The following SYN3 variants were observed in gnomAD, a reference collection of about 807,000 sequenced individuals.
SYN3 encodes synapsin III.
SYN3 carries 35 observed loss-of-function variants against 65.8 expected under a neutral mutation model. The ratio of observed to expected loss-of-function variants is 0.53; its 90% CI spans 0.41 to 0.70. The LOEUF is 0.70. Ranked by LOEUF, SYN3 falls within the 30% of genes least tolerant of loss-of-function variation. The pLI, the probability that SYN3 is intolerant of heterozygous loss-of-function variation, is 0.00. For missense variants in SYN3, 680 were observed against 749.0 expected, an observed-to-expected ratio of 0.91 and a Z score of 1.08; for synonymous variants, 270 against 292.9, an observed-to-expected ratio of 0.92 and a Z score of 0.80.
intron 4 of SYN3, among the ~76,000 whole-genome samples, chr22:32,886,788 T>C (rs548013644): frequency 1.3e-5 from 2 of 152,328 alleles, no homozygotes; most frequent in East Asian, 1.9e-4. Flanking sequence ...TCATGAAATG[T>C]GTACTCTTTT....
Position 32,596,863 on chromosome 22 carries a change from G to A in SYN3, c.712-127C>T, listed in dbSNP as rs147248370. On this transcript the variant is annotated intron_variant, in intron 6 of 13. Transcript: ENST00000358763. The stretch of plus-strand genomic sequence containing the variant: ...TCGGGAATCCCCACAAGAATGCTTC[G>A]ACAGATGGTCACCCAGCCATGGCCC... 7.9e-5 allele frequency: 75 copies of A among 945,674 alleles called. 1 individual carries two copies. The Middle Eastern group carries it at 1.5e-3, about 19-fold the overall frequency. 58.6% of individuals were successfully genotyped at this position (945,674 alleles called of 1,614,324 possible).
intron 12 of SYN3, among the ~76,000 whole-genome samples, chr22:32,523,213 C>T (rs1217805849): frequency 1.3e-5 from 2 of 152,308 alleles, no homozygotes; most frequent in South Asian, 2.1e-4. Context: ...GAACCACACC[C>T]ATATAAGACA....
At chr22:32,867,523 T>C (rs1309360821) in intron 5 of SYN3, among the ~76,000 whole-genome samples, 1 of 152,192 alleles carries the variant, frequency 6.6e-6, no homozygotes, top group Non-Finnish European at 1.5e-5. Context: ...TAGGTGGAGA[T>C]AAGTATCTAG....
chr22:32,853,330 A>G (rs1175622859), intron 6 of SYN3, among the ~76,000 whole-genome samples: 1 of 152,230 alleles, frequency 6.6e-6, no homozygotes, highest in Non-Finnish European at 1.5e-5. Flanking sequence ...CGGTCTGTAA[A>G]TAAGAATTTG....
At chr22:32,720,331 G>A (rs548704146) in intron 6 of SYN3, among the ~76,000 whole-genome samples, 1 of 152,284 alleles carries the variant, frequency 6.6e-6, no homozygotes, top group African/African-American at 2.4e-5. Flanking sequence ...ACCTACCCAG[G>A]GCTAGCAGTT....
At chr22:33,016,222 T>G (rs1047506478) in intron 1 of SYN3, among the ~76,000 whole-genome samples, 4 of 152,220 alleles carry the variant, frequency 2.6e-5, no homozygotes, top group African/African-American at 9.6e-5. Context: ...GTTTGGTACA[T>G]TAACAGCACA....
At chr22:32,609,659 T>C (rs150239655) in intron 6 of SYN3, among the ~76,000 whole-genome samples, 2 of 151,400 alleles carry the variant, frequency 1.3e-5, no homozygotes, top group East Asian at 2.0e-4. Flanking sequence ...AAAAAATAAA[T>C]AAAAGTGTTT....
chr22:32,853,549 A>C (rs1376122958), intron 6 of SYN3, among the ~76,000 whole-genome samples: 6 of 152,218 alleles, frequency 3.9e-5, no homozygotes, highest in Admixed American at 1.3e-4. Flanking sequence ...GGAAGCTAAC[A>C]TCTTGGAACT....
chr22:32,970,853 T>C (rs1243887991), intron 3 of SYN3, among the ~76,000 whole-genome samples: 2 of 152,198 alleles, frequency 1.3e-5, no homozygotes, highest in African/African-American at 2.4e-5. Flanking sequence ...GCAAAAAGCT[T>C]TGTAAAGACA....
chr22:33,014,518 CGCCTGTAATCCCA>C (rs1421030149), intron 1 of SYN3: 2 of 152,236 alleles, frequency 1.3e-5, no homozygotes, highest in African/African-American at 4.8e-5. Flanking sequence ...GGGTGGCTCA[CGCCTGTAATCCCA>C]GCACTTTAGG....
intron 1 of SYN3, among the ~76,000 whole-genome samples, chr22:33,019,104 C>T (rs950313162): frequency 6.6e-6 from 1 of 152,172 alleles, no homozygotes; most frequent in Non-Finnish European, 1.5e-5. Flanking sequence ...AAACTACAAC[C>T]CTAACCAGAG....
At chr22:32,661,018 G>A (rs2060209527) in intron 6 of SYN3, among the ~76,000 whole-genome samples, 1 of 152,222 alleles carries the variant, frequency 6.6e-6, no homozygotes, top group South Asian at 2.1e-4. Context: ...CTCAAAAGGT[G>A]TCAACCTTGT....
chr22:32,959,728 G>A (rs193033587), intron 3 of SYN3, among the ~76,000 whole-genome samples: 6 of 152,178 alleles, frequency 3.9e-5, no homozygotes, highest in Admixed American at 3.9e-4. Context: ...CCCAGCAGCT[G>A]GGACTACAGG....
At chr22:32,891,821 G>A (rs1450843675) in intron 4 of SYN3, among the ~76,000 whole-genome samples, 1 of 151,982 alleles carries the variant, frequency 6.6e-6, no homozygotes, top group Non-Finnish European at 1.5e-5. Context: ...TAAGCCCTCT[G>A]AGCCTCAGCT....
At chr22:32,662,642 C>T (rs1430179836) in intron 6 of SYN3, among the ~76,000 whole-genome samples, 2 of 152,182 alleles carry the variant, frequency 1.3e-5, no homozygotes. Flanking sequence ...CTTCATAAGG[C>T]TGTCATTAAG....
chr22:32,518,654 G>C (rs2057822063), intron 12 of SYN3, among the ~76,000 whole-genome samples: 1 of 152,076 alleles, frequency 6.6e-6, no homozygotes, highest in Non-Finnish European at 1.5e-5. Context: ...TTTTATTTTG[G>C]CACATATGTA....
intron 6 of SYN3, among the ~76,000 whole-genome samples, chr22:32,845,775 C>T (rs548431558): frequency 6.6e-6 from 1 of 152,318 alleles, no homozygotes; most frequent in South Asian, 2.1e-4. Context: ...GCTAGACATG[C>T]TGCCAGTTAC....
intron 6 of SYN3, among the ~76,000 whole-genome samples, chr22:32,626,678 A>G (rs1304764481): frequency 6.6e-6 from 1 of 152,148 alleles, no homozygotes; most frequent in Non-Finnish European, 1.5e-5. Flanking sequence ...ACTTGCCACA[A>G]AAGAATCACA....
intron 6 of SYN3, among the ~76,000 whole-genome samples, chr22:32,600,569 T>C (rs957842175): frequency 6.6e-6 from 1 of 152,044 alleles, no homozygotes; most frequent in African/African-American, 2.4e-5. Flanking sequence ...AGGCACAGAG[T>C]TCCCCCAAGG....
Sources: allele counts gnomAD v4.1 joint callset (sites outside exome capture counted in the v4.1 genomes callset), GRCh38; gene constraint gnomAD v4.1.1; transcripts MANE v1.5; gene names NCBI Gene and HGNC (gene_info 2026-07-23, HGNC 2026-07-21).